Variants in HECTD4 observed in about 807,000 individuals in gnomAD.
HECTD4 encodes the protein probable E3 ubiquitin-protein ligase HECTD4.
In HECTD4, 114 loss-of-function variants were observed where a neutral mutation model predicts 471.5. That is an observed-to-expected ratio of 0.24 (90% CI 0.21 to 0.28). The LOEUF (loss-of-function observed/expected upper bound fraction) is 0.28. HECTD4 is among the 10% of genes least tolerant of loss of function. The pLI is 1.00. For missense variants in HECTD4, 3,866 were observed against 5,651.5 expected, an observed-to-expected ratio of 0.68 and a Z score of 10.13; for synonymous variants, 2,012 against 2,256.0, an observed-to-expected ratio of 0.89 and a Z score of 3.07.
chr12:112,373,897 G>A (rs944081190), intron 1 of HECTD4, among the ~76,000 whole-genome samples: 13 of 151,750 alleles, frequency 8.6e-5, no homozygotes, highest in Admixed American at 6.6e-5. Context: ...CCAACTACTC[G>A]GGAGGCTGAG....
At chr12:112,260,669 C>T (rs1393510470) in intron 18 of HECTD4, among the ~76,000 whole-genome samples, 1 of 151,866 alleles carries the variant, frequency 6.6e-6, no homozygotes, top group Non-Finnish European at 1.5e-5. Flanking sequence ...CTCCGCCTCC[C>T]AGGTTCAGGC....
rs370476121 is a variant in HECTD4 at position 112,229,755 on chromosome 12, G to T, written c.6462C>A (p.Ala2154=). 31 of 1,614,008 alleles carry T rather than the reference G, an allele frequency of 1.9e-5. 1 individual carries two copies. In the South Asian group the frequency reaches 2.7e-4, roughly 14 times the overall value. Residue 2154 remains alanine, a synonymous_variant, in exon 41 of 76, where the codon GCC becomes GCA. Transcript: ENST00000682272. ...KLQRIARQAV[A]ALCALGGFKE... is the part of the protein sequence containing the mutation. ...TGAAGCCTCCAAGTGCACACAGTGC[G>T]GCAACGGCCTGGCGTGCAATTCTCT...
rs1180453754 is a variant in HECTD4, at chr12:112,378,254, T to C, written c.177+3698A>G. Among the ~76,000 whole-genome samples, 3 of 152,160 alleles carry C rather than the reference T, an allele frequency of 2.0e-5. 1 individual carries two copies. Among genetic ancestry groups the C allele is most frequent in the South Asian group, 4.1e-4 (2 of 4,834 alleles). On this transcript the variant is annotated intron_variant, in intron 1 of 75. Coordinates refer to ENST00000682272, the MANE Select transcript of HECTD4 (RefSeq NM_001388303.1). Reference sequence around the variant, plus strand: ...TTCTTTTTTTGACGGAGTCTCGCTATGTTGCCCAGGCTGGAGTGCAGTGAC... The same window carrying C: ...TTCTTTTTTTGACGGAGTCTCGCTACGTTGCCCAGGCTGGAGTGCAGTGAC...
intron 50 of HECTD4, 119 bp from the exon 51 acceptor site, chr12:112,208,749 C>T: frequency 2.7e-6 from 2 of 749,190 alleles, no homozygotes; most frequent in Non-Finnish European, 3.9e-6. Context: ...ACTCCTAGTA[C>T]ACTGAGGAAT....
At chr12:112,238,785 G>C (rs1255122315) in intron 34 of HECTD4, among the ~76,000 whole-genome samples, 1 of 152,018 alleles carries the variant, frequency 6.6e-6, no homozygotes, top group African/African-American at 2.4e-5. Flanking sequence ...TATTGACAAG[G>C]AGAGAATAAA....
At chr12:112,340,405 G>C (rs933159488) in intron 1 of HECTD4, among the ~76,000 whole-genome samples, 2 of 147,758 alleles carry the variant, frequency 1.4e-5, no homozygotes, top group African/African-American at 5.2e-5. Context: ...TCTGGAAGGA[G>C]CTATTGCTTG....
At chr12:112,191,127 T>C (rs1198506975) in intron 59 of HECTD4, among the ~76,000 whole-genome samples, 162 bp from the exon 60 acceptor site, 1 of 152,132 alleles carries the variant, frequency 6.6e-6, no homozygotes, top group African/African-American at 2.4e-5. Flanking sequence ...CTCTGGACAG[T>C]GGGCTGCAGG....
chr12:112,190,737 C>T (rs1418675119), intron 60 of HECTD4, 49 bp downstream of exon 60: 1 of 1,504,698 alleles, frequency 6.6e-7, no homozygotes, highest in Admixed American at 2.1e-5. Context: ...GGCACCATGC[C>T]AGCTCCACCC....
At chr12:112,242,827 C>G (rs1336118924) in intron 32 of HECTD4, among the ~76,000 whole-genome samples, 11 of 152,166 alleles carry the variant, frequency 7.2e-5, no homozygotes, top group African/African-American at 1.9e-4. Context: ...ACGAGAATCA[C>G]TTGAACCCGG....
chr12:112,228,330 T>C lies in HECTD4; in HGVS notation c.6685-72A>G. 7.3e-7 allele frequency: 1 copy of C among 1,370,246 alleles called. No individual in the cohort carries two copies. Among genetic ancestry groups the C allele is most frequent in the East Asian group, 2.7e-5 (1 of 36,654 alleles). The allele number at this position is 1,370,246 out of a possible 1,614,324, so 84.9% of individuals were successfully genotyped here. A position where few individuals can be genotyped will look rare whatever the true frequency, so the allele number is the denominator to read the frequency against. ...AGTTTATAAGAAATGAGGGTGTTAT[T>C]ATTATCTGGAGTTAATTCTTAAATT... is the stretch of plus-strand genomic sequence containing the variant. On this transcript the variant is annotated intron_variant, in intron 42 of 75. Coordinates refer to ENST00000682272, the MANE Select transcript of HECTD4 (RefSeq NM_001388303.1). This position sits in a 1 kb window ranked among gnomAD's most constrained non-coding sequence, Gnocchi z 4.9.
chr12:112,185,113 C>T lies in HECTD4; in HGVS notation c.9853G>A (p.Ala3285Thr), dbSNP rs1396290310. The T allele has an allele frequency of 1.3e-6, 2 of 1,562,130 alleles. No homozygotes were observed. Among genetic ancestry groups the T allele is most frequent in the Non-Finnish European group, 1.7e-6 (2 of 1,152,626 alleles). The change falls in exon 61 of 76, where the codon GCC becomes ACC. Residue 3285 changes from alanine (A) to threonine (T), a missense_variant. Coordinates refer to ENST00000682272, the MANE Select transcript of HECTD4 (RefSeq NM_001388303.1). The stretch of plus-strand genomic sequence containing the variant: ...GAGGACGAGTCACTGAGATTTGGGG[C>T]GGTCGCTGAGGTCACCCCACTGGCT... ...VTASGVTSAT[A>T]PNLSDSSSSS...
At chr12:112,317,707 G>A (rs1284258953) in intron 2 of HECTD4, among the ~76,000 whole-genome samples, 1 of 152,074 alleles carries the variant, frequency 6.6e-6, no homozygotes, top group Non-Finnish European at 1.5e-5. Context: ...GGCCGGGCAG[G>A]GTGGCTCATG....
chr12:112,217,189 CTT>C lies in HECTD4; in HGVS notation c.7079_7080del (p.Lys2360ArgfsTer30). On this transcript the variant is annotated frameshift_variant, in exon 46 of 76. Transcript: ENST00000682272. LOFTEE classifies it high-confidence loss of function. ...PPLQADRRQPKEITWSPSRVF... is the reference protein window; with the variant it reads ...PPLQADRRQPXEITWSPSRVF... ...ACTCGCGAGGGGCTCCAAGTAATCTCTTTGGGCTGCATCAGGGAGAAAAACCC... is the reference window on the plus strand; with the variant it reads ...ACTCGCGAGGGGCTCCAAGTAATCTCTGGGCTGCATCAGGGAGAAAAACCC... 1 of 1,509,888 alleles carries C rather than the reference CTT, an allele frequency of 6.6e-7. No homozygotes were observed. The highest frequency in any genetic ancestry group is 8.9e-7 in the Non-Finnish European group (1 of 1,129,010). The allele number at this position is 1,509,888 out of a possible 1,614,324, so 93.5% of individuals were successfully genotyped here.
At chr12:112,197,001 G>A (rs977791720) in intron 55 of HECTD4, among the ~76,000 whole-genome samples, 18 of 151,710 alleles carry the variant, frequency 1.2e-4, no homozygotes, top group African/African-American at 1.2e-4. Context: ...TTACCATGTC[G>A]GCTAGGCTGG....
chr12:112,163,866 T>C lies in HECTD4; in HGVS notation c.12702-129A>G. On this transcript the variant is annotated intron_variant, in intron 73 of 75. Coordinates refer to ENST00000682272, the MANE Select transcript of HECTD4 (RefSeq NM_001388303.1). This position sits in a 1 kb window ranked among gnomAD's most constrained non-coding sequence, Gnocchi z 8.2. ...GCCTGGGGCCCAGCCGCCCTGGTCA[T>C]CCCAGTCCTTTCCTGCCTCTGGTGC... The C allele has an allele frequency of 1.1e-6, 1 of 935,356 alleles. No homozygotes were observed. Among genetic ancestry groups the C allele is most frequent in the Non-Finnish European group, 1.5e-6 (1 of 668,398 alleles). The allele number at this position is 935,356 out of a possible 1,614,324, so 57.9% of individuals were successfully genotyped here.
intron 6 of HECTD4, 112 bp from the exon 7 acceptor site, chr12:112,306,346 T>C (rs1394712637): frequency 3.2e-5 from 28 of 885,242 alleles, no homozygotes; most frequent in Non-Finnish European, 4.1e-5. Context: ...CTAGGCTTTC[T>C]GGTCAAAATA....
Position 112,228,895 on chromosome 12 carries a change from T to C in HECTD4, c.6520-84A>G. 7.6e-7 allele frequency: 1 copy of C among 1,312,782 alleles called. No individual in the cohort carries two copies. The highest frequency in any genetic ancestry group is 1.3e-5 in the South Asian group (1 of 79,282). The allele number at this position is 1,312,782 out of a possible 1,614,324, so 81.3% of individuals were successfully genotyped here. A position where few individuals can be genotyped will look rare whatever the true frequency, so the allele number is the denominator to read the frequency against. On this transcript the variant is annotated intron_variant, in intron 41 of 75. Transcript: ENST00000682272. This position sits in a 1 kb window ranked among gnomAD's most constrained non-coding sequence, Gnocchi z 4.9. The stretch of plus-strand genomic sequence containing the variant: ...ACGAGACAAGAGGAAAAAGTAAATT[T>C]ATAGTTGTCATTGTTGGCGTTACAG...
chr12:112,222,305 C>A (rs551071362), intron 44 of HECTD4, among the ~76,000 whole-genome samples: 4 of 152,156 alleles, frequency 2.6e-5, no homozygotes, highest in Non-Finnish European at 4.4e-5. Flanking sequence ...AATCCACCTA[C>A]CTCGGCCTCT....
chr12:112,332,374 T>A (rs1408008687), intron 1 of HECTD4, among the ~76,000 whole-genome samples: 1 of 151,554 alleles, frequency 6.6e-6, no homozygotes, highest in Non-Finnish European at 1.5e-5. Flanking sequence ...CCATCTCTAC[T>A]AAAAATACAA....
Sources: allele counts gnomAD v4.1 joint callset (sites outside exome capture counted in the v4.1 genomes callset), GRCh38; gene constraint gnomAD v4.1.1; non-coding constraint Gnocchi (gnomAD v3.1); transcripts MANE v1.5; gene names NCBI Gene and HGNC (gene_info 2026-07-23, HGNC 2026-07-21).